Variants in CFAP74 observed in about 807,000 individuals in gnomAD.
CFAP74 encodes cilia- and flagella-associated protein 74.
A neutral mutation model predicts 188.9 loss-of-function variants in CFAP74; 124 were observed. The ratio of observed to expected loss-of-function variants is 0.66; its 90% confidence interval spans 0.57 to 0.76. The LOEUF (loss-of-function observed/expected upper bound fraction) is 0.76. Among genes scored for constraint, CFAP74 ranks in the 30% least tolerant of loss-of-function variants. The pLI, the probability that CFAP74 is intolerant of heterozygous loss-of-function variation, is 0.00. For synonymous variants in CFAP74, 956 were observed against 916.7 expected (o/e 1.04, Z -0.77); for missense variants, 2,198 against 2,165.2 (o/e 1.02, Z -0.30).
chr1:1,924,061 T>C, intron 34 of CFAP74, 132 bp from the exon 35 acceptor site: 1 of 693,118 alleles, frequency 1.4e-6, no homozygotes, highest in South Asian at 2.0e-5. Context: ...GTCCCCCCAA[T>C]GGCCTTGCGC....
chr1:1,956,048 A>G lies in CFAP74; in HGVS notation c.2017-198T>C, dbSNP rs115368851. Among the ~76,000 whole-genome samples, 1,140 of 151,902 alleles carry G rather than the reference A, an allele frequency of 7.5e-3. 23 individuals are homozygous for G. The highest frequency in any genetic ancestry group is 0.026 in the African/African-American group (1,062 of 41,394). ...GATCACAGCAGCAGCTCACCCAGAGACTCAGAGTCACCCCTCAGCCTCCCT... is the reference window on the plus strand; with the variant it reads ...GATCACAGCAGCAGCTCACCCAGAGGCTCAGAGTCACCCCTCAGCCTCCCT... On this transcript the variant is annotated intron_variant, in intron 17 of 38. Coordinates refer to ENST00000682832, the MANE Select transcript of CFAP74 (RefSeq NM_001304360.2).
intron 20 of CFAP74, among the ~76,000 whole-genome samples, chr1:1,944,755 C>T (rs1203045669): frequency 2.0e-5 from 3 of 151,952 alleles, no homozygotes; most frequent in Non-Finnish European, 4.4e-5. Flanking sequence ...TACAGGCGCC[C>T]GCCACCATGC....
In CFAP74 at chr1:1,956,679, T is replaced by C. The variant is rs1055306708; in HGVS notation, c.1957A>G (p.Lys653Glu). The change falls in exon 17 of 39, where the codon AAG becomes GAG. Residue 653 changes from lysine (K) to glutamate (E), a missense_variant. Transcript: ENST00000682832. ...CAGGGCTCTGAAGCTGGCAGGAACT[T>C]GAAAGTCGTGCCCAAGCCCCCAACG... is the stretch of plus-strand genomic sequence containing the variant. ...TNVGGLGTTF[K>E]FLPASEPCEM... is the part of the protein sequence containing the mutation. 2 of 1,614,054 alleles carry C rather than the reference T, an allele frequency of 1.2e-6. No homozygotes were observed. Among genetic ancestry groups the C allele is most frequent in the Non-Finnish European group, 1.7e-6 (2 of 1,179,988 alleles).
At chr1:1,981,490 A>G (rs1656848054) in intron 6 of CFAP74, among the ~76,000 whole-genome samples, 1 of 137,732 alleles carries the variant, frequency 7.3e-6, no homozygotes, top group African/African-American at 2.9e-5. Context: ...ACGCGGGGGC[A>G]CGCAGGACAC....
rs749337199 is a variant in CFAP74 at position 1,924,385 on chromosome 1, G to A, written c.4234+6C>T. 10 of 406,498 alleles carry A rather than the reference G, an allele frequency of 2.5e-5. No homozygotes were observed. Among genetic ancestry groups the A allele is most frequent in the African/African-American group, 2.3e-4 (2 of 8,708 alleles). 25.2% of individuals were successfully genotyped at this position (406,498 alleles called of 1,614,324 possible). A position where few individuals can be genotyped will look rare whatever the true frequency, so the allele number is the denominator to read the frequency against. ...GCTCACCACCCACCCCCCACCCCCC[G>A]CTCACCGACCACCTCCGTCCTCTGG... On this transcript the variant is annotated splice_donor_region_variant and intron_variant, in intron 34 of 38. Coordinates refer to ENST00000682832, the MANE Select transcript of CFAP74 (RefSeq NM_001304360.2).
At chr1:1,993,630 C>T (rs962460021) in intron 1 of CFAP74, among the ~76,000 whole-genome samples, 16 of 148,748 alleles carry the variant, frequency 1.1e-4, no homozygotes, top group Admixed American at 3.4e-4. Flanking sequence ...TTGGTTTTAA[C>T]GCCTATTAAT....
intron 37 of CFAP74, 23 bp downstream of exon 37, chr1:1,922,962 C>T (rs754090227): frequency 6.4e-7 from 1 of 1,556,052 alleles, no homozygotes; most frequent in South Asian, 1.2e-5. Context: ...GCCTGGTGTC[C>T]CCAGGGGCAG....
chr1:1,930,422 C>G, intron 25 of CFAP74, 86 bp from the exon 26 acceptor site: 2 of 1,345,904 alleles, frequency 1.5e-6, no homozygotes, highest in Non-Finnish European at 9.9e-7. Flanking sequence ...GGGTGGAGGA[C>G]AAGCCCCGGG....
intron 21 of CFAP74, among the ~76,000 whole-genome samples, chr1:1,943,650 T>G (rs1251469452): frequency 6.6e-6 from 1 of 152,224 alleles, no homozygotes; most frequent in African/African-American, 2.4e-5. Context: ...GGCTTCCTCC[T>G]CCAGGCTCAC....
intron 6 of CFAP74, among the ~76,000 whole-genome samples, chr1:1,976,422 G>C (rs1656447759): frequency 6.6e-6 from 1 of 152,100 alleles, no homozygotes; most frequent in Non-Finnish European, 1.5e-5. Context: ...GGGAGACACG[G>C]CTCCTTCCCC....
rs1656260970 is a variant in CFAP74, at chr1:1,973,932, G to A, written c.674+93C>T. ...AGGTGGATCTGGACAGATGTGGAGG[G>A]CGAGGCTGAATCTGGAGACCCCTGG... On this transcript the variant is annotated intron_variant, in intron 7 of 38. Coordinates refer to ENST00000682832, the MANE Select transcript of CFAP74 (RefSeq NM_001304360.2). The surrounding 1 kb of genome is among the most constrained non-coding windows in gnomAD (Gnocchi z 6.2). The A allele has an allele frequency of 1.6e-6, 2 of 1,249,006 alleles. No homozygotes were observed. The highest frequency in any genetic ancestry group is 3.0e-5 in the Admixed American group (1 of 33,398). 77.4% of individuals were successfully genotyped at this position (1,249,006 alleles called of 1,614,324 possible). A position where few individuals can be genotyped will look rare whatever the true frequency, so the allele number is the denominator to read the frequency against.
intron 6 of CFAP74, 136 bp from the exon 7 acceptor site, chr1:1,974,334 C>G (rs1423537097): frequency 6.5e-6 from 5 of 765,220 alleles, no homozygotes; most frequent in Non-Finnish European, 1.0e-5. Flanking sequence ...CTCTAGGGGC[C>G]ATCTCCGCTC....
At chr1:1,965,743 G>T (rs1195222037) in intron 12 of CFAP74, among the ~76,000 whole-genome samples, 1 of 152,194 alleles carries the variant, frequency 6.6e-6, no homozygotes, top group African/African-American at 2.4e-5. Flanking sequence ...GCTCTGCCTG[G>T]CCTGTCTTGT....
chr1:1,982,312 C>T (rs4648744), intron 6 of CFAP74, among the ~76,000 whole-genome samples: 19,024 of 111,876 alleles, frequency 0.17, 1,397 homozygotes, highest in Non-Finnish European at 0.2. Context: ...GGACACCCAG[C>T]CGTGGTCACA....
At chr1:1,992,039 C>CAAAAAAAA (rs537739387) in intron 1 of CFAP74, among the ~76,000 whole-genome samples, 3 of 133,172 alleles carry the variant, frequency 2.3e-5, no homozygotes, top group African/African-American at 8.5e-5. Context: ...GACTCCGTCT[C>CAAAAAAAA]AAAAAAAAAA....
rs1325374768 is a variant in CFAP74, at chr1:1,942,125, C to A, written c.2518G>T (p.Val840Leu). Residue 840 changes from valine to leucine, a missense_variant, in exon 22 of 39, where the codon GTG becomes TTG. Val to Leu is a conservative substitution (Grantham distance 32). Transcript: ENST00000682832. The surrounding 1 kb of genome is among the most constrained non-coding windows in gnomAD (Gnocchi z 4.3). ...SKAALRLKFE[V>L]CKELRAHLEL... The stretch of plus-strand genomic sequence containing the variant: ...AGGTGGGCCCTCAGCTCCTTGCACA[C>A]CTCGAACTTCAGGCGCAGGGCAGCT... 35 of 1,527,822 alleles carry A rather than the reference C, an allele frequency of 2.3e-5. No individual in the cohort carries two copies. The highest frequency in any genetic ancestry group is 6.1e-6 in the Non-Finnish European group (7 of 1,143,718). The allele number at this position is 1,527,822 out of a possible 1,614,324, so 94.6% of individuals were successfully genotyped here.
Position 1,972,016 on chromosome 1 carries a change from C to G in CFAP74, c.852G>C (p.Ala284=). Residue 284 remains alanine, a synonymous_variant, in exon 9 of 39, where the codon GCG becomes GCC. Coordinates refer to ENST00000682832, the MANE Select transcript of CFAP74 (RefSeq NM_001304360.2). ...AGATGCTGCCCTTCAGCGCCACCAC[C>G]GCATCCATGCGTCGCCTCATGTACT... ...CHEYMRRRMD[A]VVALKGSISA... is the part of the protein sequence containing the mutation. The G allele has an allele frequency of 6.2e-7, 1 of 1,612,586 alleles. No individual in the cohort carries two copies. Among genetic ancestry groups the G allele is most frequent in the South Asian group, 1.1e-5 (1 of 91,090 alleles).
chr1:1,959,264 T>TG, intron 15 of CFAP74, 55 bp from the exon 16 acceptor site: 2 of 1,310,120 alleles, frequency 1.5e-6, no homozygotes, highest in Non-Finnish European at 2.2e-6. Context: ...TTGTGTGTTT[T>TG]GTTTTTTTTT....
chr1:1,999,420 G>C (rs966566296), intron 1 of CFAP74, among the ~76,000 whole-genome samples: 4 of 152,178 alleles, frequency 2.6e-5, no homozygotes, highest in African/African-American at 9.7e-5. Flanking sequence ...AGTCGATGGG[G>C]GGTGGGAATG....
Sources: allele counts gnomAD v4.1 joint callset (sites outside exome capture counted in the v4.1 genomes callset), GRCh38; gene constraint gnomAD v4.1.1; non-coding constraint Gnocchi (gnomAD v3.1); transcripts MANE v1.5; gene names NCBI Gene and HGNC (gene_info 2026-07-23, HGNC 2026-07-21).